The following NEXMIF variants were observed in gnomAD, a reference collection of about 807,000 sequenced individuals.
The protein encoded by NEXMIF is XLMR protein related to neurite extension.
A neutral mutation model predicts 62.1 loss-of-function variants in NEXMIF; 8 were observed. The ratio of observed to expected loss-of-function variants is 0.13; its 90% CI spans 0.08 to 0.23. NEXMIF has a LOEUF of 0.23. Ranked by LOEUF, NEXMIF falls within the 10% of genes least tolerant of loss-of-function variation. The pLI, the probability that NEXMIF is intolerant of heterozygous loss-of-function variation, is 1.00. For synonymous variants in NEXMIF, 404 were observed against 416.6 expected, an observed-to-expected ratio of 0.97 and a Z score of 0.37; for missense variants, 976 against 1,113.3, an observed-to-expected ratio of 0.88 and a Z score of 1.75.
At chrX:74,884,758 A>T (rs899792409) in intron 1 of NEXMIF, among the ~76,000 whole-genome samples, 1 of 111,551 alleles carries the variant, frequency 9.0e-6, no homozygotes, top group Admixed American at 9.5e-5. Flanking sequence ...GTTAACAAGG[A>T]TATCCAGGAA....
chrX:74,796,211 A>ATATATATACATATAT (rs2080309226), intron 1 of NEXMIF, among the ~76,000 whole-genome samples: 1 of 68,229 alleles, frequency 1.5e-5, no homozygotes, highest in Non-Finnish European at 2.5e-5. Flanking sequence ...CATATATATT[A>ATATATATACATATAT]TATATATATA....
At chrX:74,827,454 T>C (rs1007219280) in intron 1 of NEXMIF, among the ~76,000 whole-genome samples, 2 of 111,952 alleles carry the variant, frequency 1.8e-5, no homozygotes, top group Non-Finnish European at 3.8e-5. Context: ...ATAAGTATTC[T>C]TGGACTGAGA....
At chrX:74,754,963 G>A (rs780306083) in intron 1 of NEXMIF, among the ~76,000 whole-genome samples, 1 of 112,238 alleles carries the variant, frequency 8.9e-6, no homozygotes, top group Non-Finnish European at 1.9e-5. Context: ...TGAGGTAGCT[G>A]TTACAGGTAA....
intron 1 of NEXMIF, among the ~76,000 whole-genome samples, chrX:74,877,342 A>G (rs1299128544): frequency 1.8e-5 from 2 of 111,689 alleles, no homozygotes; most frequent in African/African-American, 3.3e-5. Context: ...TGGCTTGTAG[A>G]GTTTCTGCTG....
chrX:74,899,420 T>G (rs1379088280), intron 1 of NEXMIF, among the ~76,000 whole-genome samples: 1 of 111,602 alleles, frequency 9.0e-6, no homozygotes, highest in Non-Finnish European at 1.9e-5. Context: ...CCAGTTGTAT[T>G]CCTATACACT....
At chrX:74,874,709 A>G (rs1477243200) in intron 1 of NEXMIF, among the ~76,000 whole-genome samples, 4 of 92,153 alleles carry the variant, frequency 4.3e-5, no homozygotes, top group African/African-American at 1.7e-4. Context: ...GGTCCTTCAC[A>G]TCCCTTGTAA....
chrX:74,837,298 T>G (rs930464902), intron 1 of NEXMIF, among the ~76,000 whole-genome samples: 1 of 112,053 alleles, frequency 8.9e-6, no homozygotes, highest in Admixed American at 9.5e-5. Flanking sequence ...CAGTGCTTTC[T>G]GTGTGCAGAT....
intron 1 of NEXMIF, among the ~76,000 whole-genome samples, chrX:74,785,908 G>T (rs1449172350): frequency 5.3e-5 from 6 of 112,613 alleles, no homozygotes; most frequent in African/African-American, 1.9e-4. Context: ...AAGAGACTGT[G>T]CTTAGATAAG....
intron 1 of NEXMIF, among the ~76,000 whole-genome samples, chrX:74,770,270 T>G (rs1276866656): frequency 8.9e-6 from 1 of 112,258 alleles, no homozygotes; most frequent in African/African-American, 3.2e-5. Flanking sequence ...TTCTTCATTC[T>G]GTTCTCTATA....
chrX:74,899,727 A>G (rs113256894), intron 1 of NEXMIF, among the ~76,000 whole-genome samples: 164 of 112,044 alleles, frequency 1.5e-3, no homozygotes, highest in African/African-American at 5.2e-3. Flanking sequence ...ATAGAAAAAT[A>G]CAATCCTAAA....
intron 1 of NEXMIF, among the ~76,000 whole-genome samples, chrX:74,852,857 CAAAT>C (rs981810608): frequency 3.6e-5 from 4 of 111,029 alleles, no homozygotes; most frequent in African/African-American, 1.3e-4. Flanking sequence ...AGAGAGATTT[CAAAT>C]AAATAGTCTA....
At chrX:74,871,235 T>A (rs1290957151) in intron 1 of NEXMIF, among the ~76,000 whole-genome samples, 1 of 111,293 alleles carries the variant, frequency 9.0e-6, no homozygotes, top group East Asian at 2.8e-4. Flanking sequence ...GGGGGTGTCA[T>A]CACATATTGG....
chrX:74,798,207 C>T (rs1169975944), intron 1 of NEXMIF, among the ~76,000 whole-genome samples: 1 of 111,284 alleles, frequency 9.0e-6, no homozygotes, highest in South Asian at 3.8e-4. Flanking sequence ...ATTCAGCAAA[C>T]CATCATGGTT....
At chrX:74,917,184 G>T (rs1048799529) in intron 1 of NEXMIF, among the ~76,000 whole-genome samples, 1 of 111,685 alleles carries the variant, frequency 9.0e-6, no homozygotes, top group Non-Finnish European at 1.9e-5. Context: ...GGTCATGGGG[G>T]GCAGATTTCC....
intron 1 of NEXMIF, among the ~76,000 whole-genome samples, chrX:74,832,251 AG>A (rs2080440349): frequency 9.0e-6 from 1 of 111,501 alleles, no homozygotes. Context: ...CTTTACTAAG[AG>A]ACTTTTATTA....
intron 1 of NEXMIF, among the ~76,000 whole-genome samples, chrX:74,907,278 G>C (rs1004165767): frequency 9.1e-6 from 1 of 110,396 alleles, no homozygotes; most frequent in Non-Finnish European, 1.9e-5. Context: ...TCAGGTGAGG[G>C]GAGAGTGTTA....
intron 1 of NEXMIF, among the ~76,000 whole-genome samples, chrX:74,746,331 A>T (rs1210705172): frequency 8.9e-6 from 1 of 112,056 alleles, no homozygotes; most frequent in Non-Finnish European, 1.9e-5. Context: ...AAAAAATGTG[A>T]CTACAAAGAA....
Position 74,742,887 on chromosome X carries a change from T to C in NEXMIF, c.1670A>G (p.Lys557Arg). ...CTCACTGGCATCCACCTTACCCAAC[T>C]TCACCAGCATGTTCTTCTCACCTTT... ...RFKGEKNMLV[K>R]LGKVDASETT... The change falls in exon 3 of 4, where the codon AAG (lysine) becomes AGG (arginine). Residue 557 changes from lysine (K) to arginine (R), a missense_variant. Coordinates refer to ENST00000055682, the MANE Select transcript of NEXMIF (RefSeq NM_001008537.3). 8.3e-7 allele frequency: 1 copy of C among 1,211,627 alleles called. No homozygotes were observed. The highest frequency in any genetic ancestry group is 1.1e-6 in the Non-Finnish European group (1 of 895,487).
chrX:74,851,756 G>A (rs1268827283), intron 1 of NEXMIF, among the ~76,000 whole-genome samples: 3 of 111,531 alleles, frequency 2.7e-5, no homozygotes, highest in African/African-American at 9.8e-5. Flanking sequence ...GGAAGCAAAA[G>A]GACACTATCT....
Sources: allele counts gnomAD v4.1 joint callset (sites outside exome capture counted in the v4.1 genomes callset), GRCh38; gene constraint gnomAD v4.1.1; transcripts MANE v1.5; gene names NCBI Gene and HGNC (gene_info 2026-07-23, HGNC 2026-07-21).